The following SNED1 variants were observed in gnomAD, a reference collection of about 807,000 sequenced individuals.
SNED1 encodes the protein sushi, nidogen and EGF like domains 1, also known as sushi, nidogen and EGF-like domain-containing protein 1.
Under a neutral mutation model 166.7 loss-of-function variants are expected in SNED1, and 81 were observed. That is an observed-to-expected ratio of 0.49 (90% CI 0.41 to 0.58). SNED1 has a LOEUF of 0.58. Ranked by LOEUF, SNED1 falls within the 20% of genes least tolerant of loss-of-function variation. The pLI, the probability that SNED1 is intolerant of heterozygous loss-of-function variation, is 0.00. For synonymous variants in SNED1, 762 were observed against 822.0 expected, an observed-to-expected ratio of 0.93 and a Z score of 1.25; for missense variants, 1,604 against 2,000.2, an observed-to-expected ratio of 0.80 and a Z score of 3.78.
In SNED1 at chr2:241,038,832, C is replaced by T. The variant is rs139853980; in HGVS notation, c.1046-1243C>T. Among the ~76,000 whole-genome samples, 1,003 of 152,236 alleles carry T rather than the reference C, an allele frequency of 6.6e-3. 6 individuals are homozygous for T. The highest frequency in any genetic ancestry group is 0.011 in the Non-Finnish European group (770 of 68,006). Reference sequence around the variant, plus strand: ...GCGGTGCTGGCCAGGGGCCTGGCTGCGGGAGGACCCAGGCCTATGATGAGG... The same window carrying T: ...GCGGTGCTGGCCAGGGGCCTGGCTGTGGGAGGACCCAGGCCTATGATGAGG... On this transcript the variant is annotated intron_variant, in intron 6 of 31. Coordinates refer to ENST00000310397, the MANE Select transcript of SNED1 (RefSeq NM_001080437.3).
chr2:241,060,020 A>G (rs1244052120), intron 16 of SNED1, among the ~76,000 whole-genome samples: 1 of 152,242 alleles, frequency 6.6e-6, no homozygotes, highest in Non-Finnish European at 1.5e-5. Flanking sequence ...TATAGAACTA[A>G]CAAGTGAATT....
At chr2:241,089,883 A>C (rs2063801217) in intron 31 of SNED1, 3 of 1,495,938 alleles carry the variant, frequency 2.0e-6, no homozygotes, top group Admixed American at 2.4e-5. Flanking sequence ...GTGTTACTGA[A>C]TACTGTAGGC....
In SNED1 at chr2:241,064,880, G is replaced by A. The variant is rs150081750; in HGVS notation, c.2636G>A (p.Arg879His). The change falls in exon 20 of 32, where the codon CGT (arginine) becomes CAT (histidine). Residue 879 changes from arginine (R) to histidine (H), a missense_variant. Coordinates refer to ENST00000310397, the MANE Select transcript of SNED1 (RefSeq NM_001080437.3). The surrounding 1 kb of genome is among the most constrained non-coding windows in gnomAD (Gnocchi z 7.0). The part of the protein sequence containing the change: ...DPCFSSPCGG[R>H]GYCLASNGSH... ...TGCTTCTCCAGCCCCTGTGGGGGCC[G>A]TGGCTATTGCCTGGCCAGCAACGGC... The A allele has an allele frequency of 0.013, 20,530 of 1,586,416 alleles. 155 individuals are homozygous for A. Among genetic ancestry groups the A allele is most frequent in the Non-Finnish European group, 0.015 (17,807 of 1,172,148 alleles).
intron 16 of SNED1, among the ~76,000 whole-genome samples, chr2:241,057,665 C>G (rs1309483415): frequency 6.6e-6 from 1 of 151,928 alleles, no homozygotes; most frequent in Non-Finnish European, 1.5e-5. Context: ...GCCTGGGTGA[C>G]AGCAAGACCC....
At chr2:241,044,878 C>A (rs2061608847) in intron 8 of SNED1, among the ~76,000 whole-genome samples, 1 of 152,132 alleles carries the variant, frequency 6.6e-6, no homozygotes, top group Non-Finnish European at 1.5e-5. Context: ...GAAATAAAAG[C>A]CGCAGCGTTT....
chr2:241,052,698 G>GACACCAGTGCGAGGCAGGTGAGATGGCC (rs2061900218), intron 15 of SNED1, among the ~76,000 whole-genome samples: 2 of 69,074 alleles, frequency 2.9e-5, no homozygotes, highest in African/African-American at 1.4e-4. Context: ...GGCGGGGGGG[G>GACACCAGTGCGAGGCAGGTGAGATGGCC]GGGGGGTCAA....
At chr2:241,012,069 G>A (rs1287958441) in intron 1 of SNED1, among the ~76,000 whole-genome samples, 5 of 152,320 alleles carry the variant, frequency 3.3e-5, no homozygotes, top group East Asian at 1.9e-4. Context: ...TTCAAAGGCC[G>A]ACAGAAAACT....
In SNED1 at chr2:241,071,841, C is replaced by T. The variant is rs773697489; in HGVS notation, c.3780C>T (p.Phe1260=). The T allele has an allele frequency of 5.0e-6, 8 of 1,604,742 alleles. No homozygotes were observed. Among genetic ancestry groups the T allele is most frequent in the Admixed American group, 1.7e-5 (1 of 59,248 alleles). The change falls in exon 26 of 32, where the codon TTC becomes TTT. Residue 1260 remains phenylalanine, a synonymous_variant. Coordinates refer to ENST00000310397, the MANE Select transcript of SNED1 (RefSeq NM_001080437.3). The part of the protein sequence containing the change: ...VDGRGRVSAR[F]GGSPSKAATV... ...GCAGAGGAAGAGTGAGCGCCAGGTT[C>T]GGTGGCTCACCCAGCAAAGCAGCCA...
chr2:241,063,553 C>G (rs556324290), intron 17 of SNED1, 34 bp from the exon 18 acceptor site: 1 of 1,463,034 alleles, frequency 6.8e-7, no homozygotes, highest in African/African-American at 1.4e-5. Flanking sequence ...CAGACTTGAG[C>G]CAGCAACACC....
At position 241,051,965 on chromosome 2, in the gene SNED1, G is replaced by A. The variant is rs955630960; in HGVS notation, c.1853-76G>A. ...CAGCTGTGGGTCTGCTTCTCATGAA[G>A]AGGCCCCAGCTCTGGGATGTTGGGG... is the stretch of plus-strand genomic sequence containing the variant. On this transcript the variant is annotated intron_variant, in intron 13 of 31. Coordinates refer to ENST00000310397, the MANE Select transcript of SNED1 (RefSeq NM_001080437.3). This position sits in a 1 kb window ranked among gnomAD's most constrained non-coding sequence, Gnocchi z 4.7. The A allele has an allele frequency of 6.7e-7, 1 of 1,499,534 alleles. No individual in the cohort carries two copies. Among genetic ancestry groups the A allele is most frequent in the Admixed American group, 1.9e-5 (1 of 53,296 alleles). 92.9% of individuals were successfully genotyped at this position (1,499,534 alleles called of 1,614,324 possible). A position where few individuals can be genotyped will look rare whatever the true frequency, so the allele number is the denominator to read the frequency against.
rs1292853321 is a variant in SNED1 at position 240,999,340 on chromosome 2, G to A, written c.213+290G>A. The stretch of plus-strand genomic sequence containing the variant: ...TGCCGAGCGCGTCTTCCCGGCGCCT[G>A]ATTCCCAGGGGAGAGCAGGGGTCCT... On this transcript the variant is annotated intron_variant, in intron 1 of 31. Coordinates refer to ENST00000310397, the MANE Select transcript of SNED1 (RefSeq NM_001080437.3). The surrounding 1 kb of genome is among the most constrained non-coding windows in gnomAD (Gnocchi z 5.8). Among the ~76,000 whole-genome samples the A allele has an allele frequency of 1.7e-4, 26 of 152,162 alleles. No individual in the cohort carries two copies. The highest frequency in any genetic ancestry group is 1.7e-3 in the Admixed American group (26 of 15,300).
Position 241,049,016 on chromosome 2 carries a change from C to T in SNED1, c.1505-6C>T, listed in dbSNP as rs2061748078. ...TATGGGATGGGGCTTCCTCCTTTCT[C>T]TCTAGAAATCACAGCCATGCCCTGC... is the stretch of plus-strand genomic sequence containing the variant. On this transcript the variant is annotated splice_region_variant and splice_polypyrimidine_tract_variant and intron_variant, in intron 10 of 31. Coordinates refer to ENST00000310397, the MANE Select transcript of SNED1 (RefSeq NM_001080437.3). The T allele has an allele frequency of 6.2e-7, 1 of 1,607,602 alleles. No individual in the cohort carries two copies. The highest frequency in any genetic ancestry group is 1.3e-5 in the African/African-American group (1 of 74,800).
intron 31 of SNED1, 30 bp downstream of exon 31, chr2:241,088,432 C>T: frequency 6.3e-7 from 1 of 1,589,824 alleles, no homozygotes; most frequent in Non-Finnish European, 8.6e-7. Context: ...GCCCCACTAC[C>T]ACAGAGCTGC....
At chr2:241,043,581 A>G (rs1041690459) in intron 8 of SNED1, among the ~76,000 whole-genome samples, 2 of 152,236 alleles carry the variant, frequency 1.3e-5, no homozygotes, top group Non-Finnish European at 2.9e-5. Flanking sequence ...CAAAAGAATG[A>G]AGAGTGTTAA....
In SNED1 at chr2:241,071,790, CTG is replaced by C. The variant is rs768574701; in HGVS notation, c.3735-5_3735-4del. On this transcript the variant is annotated splice_polypyrimidine_tract_variant and splice_region_variant and intron_variant, in intron 25 of 31. Transcript: ENST00000310397. ...GACTGTGGTGACCCTCCCACCCTCTCTGCAGGTTCTCGGAGCTTGTGGACGGC... is the reference window on the plus strand; with the variant it reads ...GACTGTGGTGACCCTCCCACCCTCTCCAGGTTCTCGGAGCTTGTGGACGGC... 11 of 1,589,930 alleles carry C rather than the reference CTG, an allele frequency of 6.9e-6. No homozygotes were observed. In the African/African-American group the frequency reaches 1.3e-4, roughly 19 times the overall value.
chr2:241,016,188 ATTTTT>A (rs1181068532), intron 1 of SNED1, among the ~76,000 whole-genome samples: 2 of 68,646 alleles, frequency 2.9e-5, no homozygotes, highest in East Asian at 4.4e-4. Flanking sequence ...GTCATGGTGG[ATTTTT>A]TTTTTTTTTT....
intron 4 of SNED1, among the ~76,000 whole-genome samples, chr2:241,034,996 A>G (rs1457784728): frequency 1.3e-5 from 2 of 150,786 alleles, no homozygotes; most frequent in Non-Finnish European, 1.5e-5. Context: ...AAGATCCCGC[A>G]CACACACTGC....
intron 6 of SNED1, 88 bp from the exon 7 acceptor site, chr2:241,039,987 G>C: frequency 2.9e-6 from 3 of 1,049,266 alleles, no homozygotes; most frequent in South Asian, 2.9e-5. Context: ...AGTTGGGGGT[G>C]GGGCTCAGTG....
chr2:241,084,787 C>CT (rs1276611871), intron 29 of SNED1, among the ~76,000 whole-genome samples: 11 of 152,168 alleles, frequency 7.2e-5, no homozygotes, highest in Non-Finnish European at 1.3e-4. Flanking sequence ...GAACTTAACT[C>CT]TAACATCTCC....
Sources: gnomAD v4.1 joint callset for allele counts (sites outside exome capture counted in the v4.1 genomes callset) on GRCh38, gnomAD v4.1.1 for gene constraint, Gnocchi (gnomAD v3.1) non-coding constraint, MANE v1.5 for transcripts, NCBI Gene and HGNC (gene_info 2026-07-23, HGNC 2026-07-21) for gene names.